The following NRXN3 variants were observed in gnomAD, a reference collection of about 807,000 sequenced individuals.
NRXN3 encodes neurexin III.
NRXN3 carries 32 observed loss-of-function variants against 137.6 expected under a neutral mutation model. That is an observed-to-expected ratio of 0.23 (90% confidence interval 0.18 to 0.31). The LOEUF (loss-of-function observed/expected upper bound fraction) is 0.31. Among genes scored for constraint, NRXN3 ranks in the 10% least tolerant of loss-of-function variants. The pLI, the probability that NRXN3 is intolerant of heterozygous loss-of-function variation, is 1.00. For missense variants in NRXN3, 1,574 were observed against 2,062.5 expected, an observed-to-expected ratio of 0.76 and a Z score of 4.59; for synonymous variants, 798 against 784.5, an observed-to-expected ratio of 1.02 and a Z score of -0.29.
intron 4 of NRXN3, among the ~76,000 whole-genome samples, chr14:78,570,220 A>G (rs2096877128): frequency 6.6e-6 from 1 of 152,154 alleles, no homozygotes; most frequent in Non-Finnish European, 1.5e-5. Flanking sequence ...TGCCCTTAGA[A>G]AAAGGACCCC....
chr14:78,670,023 CT>C (rs2097920366), intron 6 of NRXN3, among the ~76,000 whole-genome samples: 2 of 151,968 alleles, frequency 1.3e-5, no homozygotes, highest in Admixed American at 6.6e-5. Flanking sequence ...CCCCCACCCC[CT>C]GACAGGCCCC....
At chr14:78,639,459 T>C (rs971030773) in intron 4 of NRXN3, among the ~76,000 whole-genome samples, 8 of 152,224 alleles carry the variant, frequency 5.3e-5, no homozygotes, top group Non-Finnish European at 1.0e-4. Context: ...CTTCTAAGTA[T>C]CTAAAAATTC....
intron 15 of NRXN3, among the ~76,000 whole-genome samples, chr14:79,420,768 C>T (rs2095564881): frequency 6.6e-6 from 1 of 152,096 alleles, no homozygotes; most frequent in Admixed American, 6.6e-5. Context: ...TTATATCAAC[C>T]TTATACTCAG....
At chr14:78,785,129 CAG>C (rs534340419) in intron 8 of NRXN3, among the ~76,000 whole-genome samples, 158 of 152,248 alleles carry the variant, frequency 1.0e-3, no homozygotes, top group Middle Eastern at 3.4e-3. Context: ...ACAGTGAAAA[CAG>C]AGATAGCTTT....
chr14:78,278,025 C>T (rs1006426618), intron 2 of NRXN3, among the ~76,000 whole-genome samples: 1 of 152,188 alleles, frequency 6.6e-6, no homozygotes, highest in African/African-American at 2.4e-5. Flanking sequence ...ATCTCATGCA[C>T]ACACACTGCT....
chr14:79,859,604 T>A (rs1259868363), intron 20 of NRXN3, among the ~76,000 whole-genome samples: 2 of 152,186 alleles, frequency 1.3e-5, no homozygotes, highest in Non-Finnish European at 2.9e-5. Context: ...TGGTACTGAA[T>A]CACCTCCTTG....
chr14:78,544,239 G>T (rs1435231922), intron 4 of NRXN3, among the ~76,000 whole-genome samples: 2 of 152,164 alleles, frequency 1.3e-5, no homozygotes, highest in Non-Finnish European at 2.9e-5. Flanking sequence ...GAACAGAGAG[G>T]ATATGAGGGC....
intron 20 of NRXN3, among the ~76,000 whole-genome samples, chr14:79,829,294 C>T (rs1258129330): frequency 6.6e-6 from 1 of 152,130 alleles, no homozygotes; most frequent in Admixed American, 6.5e-5. Flanking sequence ...TTCAGAATAC[C>T]TGTCTCTACC....
At chr14:78,819,099 G>A (rs976528674) in intron 10 of NRXN3, among the ~76,000 whole-genome samples, 3 of 151,944 alleles carry the variant, frequency 2.0e-5, no homozygotes, top group Non-Finnish European at 4.4e-5. Flanking sequence ...TTGGAGCCTC[G>A]CAAGCTGTGT....
intron 16 of NRXN3, among the ~76,000 whole-genome samples, chr14:79,593,500 G>A (rs1194306556): frequency 4.0e-5 from 6 of 151,822 alleles, no homozygotes; most frequent in African/African-American, 1.2e-4. Context: ...GCGTGGTGGC[G>A]GGCGCCTGTA....
intron 4 of NRXN3, among the ~76,000 whole-genome samples, chr14:78,364,562 T>G (rs1452381512): frequency 1.3e-5 from 2 of 152,244 alleles, no homozygotes; most frequent in Non-Finnish European, 2.9e-5. Flanking sequence ...TGATGTCAGA[T>G]GTATACATGT....
chr14:79,394,786 T>C (rs1289559236), intron 15 of NRXN3, among the ~76,000 whole-genome samples: 1 of 152,204 alleles, frequency 6.6e-6, no homozygotes, highest in Non-Finnish European at 1.5e-5. Context: ...CCATTTAATA[T>C]TCAAAGCAAA....
At chr14:79,270,524 C>G (rs1287469564) in intron 15 of NRXN3, among the ~76,000 whole-genome samples, 3 of 152,142 alleles carry the variant, frequency 2.0e-5, no homozygotes, top group African/African-American at 7.2e-5. Context: ...AACTTAAGCT[C>G]TCTGGCCCTG....
At chr14:79,254,711 A>C (rs1235986293) in intron 15 of NRXN3, among the ~76,000 whole-genome samples, 1 of 152,168 alleles carries the variant, frequency 6.6e-6, no homozygotes, top group Non-Finnish European at 1.5e-5. Flanking sequence ...AACTGCATTA[A>C]AAAGAATGTC....
intron 15 of NRXN3, among the ~76,000 whole-genome samples, chr14:79,422,109 G>A (rs951832448): frequency 6.6e-6 from 1 of 152,188 alleles, no homozygotes; most frequent in Non-Finnish European, 1.5e-5. Context: ...ACCCAGGCTG[G>A]AATGCAGTAG....
chr14:78,449,520 C>G (rs1473257890), intron 4 of NRXN3, among the ~76,000 whole-genome samples: 1 of 152,188 alleles, frequency 6.6e-6, no homozygotes, highest in Non-Finnish European at 1.5e-5. Context: ...AGCCTGTTAT[C>G]ACATTTATTA....
chr14:79,823,419 T>G (rs1224295104), intron 20 of NRXN3, among the ~76,000 whole-genome samples: 3 of 152,142 alleles, frequency 2.0e-5, no homozygotes, highest in African/African-American at 7.2e-5. Context: ...CTCCAAAACA[T>G]CTATGTAGAA....
intron 19 of NRXN3, among the ~76,000 whole-genome samples, chr14:79,761,444 G>C (rs2099038201): frequency 1.3e-5 from 2 of 151,658 alleles, no homozygotes; most frequent in African/African-American, 4.9e-5. Flanking sequence ...ATGGCTGTCT[G>C]ACCAACAGTA....
intron 16 of NRXN3, among the ~76,000 whole-genome samples, chr14:79,532,200 G>A (rs1003362810): frequency 9.2e-5 from 14 of 152,288 alleles, no homozygotes; most frequent in Admixed American, 6.5e-4. Flanking sequence ...CATATATGGA[G>A]CAAGAAATGA....
Sources: gnomAD v4.1 joint callset for allele counts (sites outside exome capture counted in the v4.1 genomes callset) on GRCh38, gnomAD v4.1.1 for gene constraint, MANE v1.5 for transcripts, NCBI Gene and HGNC (gene_info 2026-07-23, HGNC 2026-07-21) for gene names.